ATRX: variants seen among roughly 807,000 people sequenced by gnomAD.
ATRX encodes the protein chromatin remodeler ATRX.
ATRX carries 12 observed loss-of-function variants against 172.6 expected under a neutral mutation model. The ratio of observed to expected loss-of-function variants is 0.07; its 90% CI spans 0.04 to 0.11. The LOEUF is 0.11. Ranked by LOEUF, ATRX falls within the 10% of genes least tolerant of loss-of-function variation. ATRX has a pLI of 1.00. For missense variants in ATRX, 1,368 were observed against 1,767.4 expected, an observed-to-expected ratio of 0.77 and a Z score of 4.05; for synonymous variants, 674 against 594.7, an observed-to-expected ratio of 1.13 and a Z score of -1.94.
At chrX:77,522,531 T>A in intron 31 of ATRX, 143 bp from the exon 32 acceptor site, 5 of 692,949 alleles carry the variant, frequency 7.2e-6, no homozygotes, top group Non-Finnish European at 1.1e-5. Context: ...AACACCCTTT[T>A]CACCCGAAAC....
intron 12 of ATRX, among the ~76,000 whole-genome samples, chrX:77,661,602 C>A (rs1054298009): frequency 7.2e-5 from 8 of 111,068 alleles, no homozygotes; most frequent in Admixed American, 9.6e-5. Flanking sequence ...TGGGTACTAA[C>A]AACAGTCTTC....
intron 15 of ATRX, among the ~76,000 whole-genome samples, chrX:77,642,181 T>G (rs2068689500): frequency 9.0e-6 from 1 of 110,837 alleles, no homozygotes; most frequent in African/African-American, 3.3e-5. Flanking sequence ...GGCAACAGAG[T>G]AAGACCCTGT....
At chrX:77,724,860 A>G (rs1569542983) in intron 1 of ATRX, among the ~76,000 whole-genome samples, 2 of 111,930 alleles carry the variant, frequency 1.8e-5, no homozygotes, top group African/African-American at 6.5e-5. Context: ...CATATCATAG[A>G]GATGATCCCT....
intron 1 of ATRX, among the ~76,000 whole-genome samples, chrX:77,779,611 T>A (rs782666447): frequency 3.6e-5 from 4 of 111,927 alleles, no homozygotes; most frequent in Non-Finnish European, 5.6e-5. Flanking sequence ...TTCTAATTGC[T>A]CATTTACTTA....
At chrX:77,523,104 AC>A (rs1343808719) in intron 31 of ATRX, 147 bp downstream of exon 31, 1 of 772,342 alleles carries the variant, frequency 1.3e-6, no homozygotes, top group Non-Finnish European at 1.9e-6. Flanking sequence ...GCTGAAACCA[AC>A]CCATAAAGAG....
At chrX:77,680,913 A>C (rs1382533052) in intron 9 of ATRX, among the ~76,000 whole-genome samples, 1 of 111,700 alleles carries the variant, frequency 9.0e-6, no homozygotes, top group Non-Finnish European at 1.9e-5. Flanking sequence ...TAATGTTCCT[A>C]GTACTCTACC....
At chrX:77,641,584 G>GAA (rs1218786048) in intron 15 of ATRX, among the ~76,000 whole-genome samples, 2 of 32,750 alleles carry the variant, frequency 6.1e-5, no homozygotes, top group African/African-American at 2.0e-4. Context: ...CTCCATCTCA[G>GAA]AAAAAAAAAA....
At chrX:77,542,925 C>T (rs1441404750) in intron 30 of ATRX, among the ~76,000 whole-genome samples, 1 of 111,669 alleles carries the variant, frequency 9.0e-6, no homozygotes, top group Non-Finnish European at 1.9e-5. Context: ...GTCTAAAAAA[C>T]CAAAAGCAAT....
intron 22 of ATRX, among the ~76,000 whole-genome samples, chrX:77,614,695 T>C (rs1383550619): frequency 8.9e-6 from 1 of 111,840 alleles, no homozygotes; most frequent in Non-Finnish European, 1.9e-5. Context: ...TCCATCACCT[T>C]GAGTATTTAT....
intron 10 of ATRX, among the ~76,000 whole-genome samples, chrX:77,671,170 ATATATATAT>A (rs2070580772): frequency 2.6e-4 from 13 of 50,521 alleles, no homozygotes; most frequent in Non-Finnish European, 2.1e-4. Flanking sequence ...AAAAAAAAAT[ATATATATAT>A]ATATATATAT....
intron 5 of ATRX, 99 bp downstream of exon 5, chrX:77,696,478 G>A (rs782258211): frequency 2.4e-4 from 220 of 918,403 alleles, no homozygotes; most frequent in Non-Finnish European, 1.8e-4. Flanking sequence ...ATGTTTGGTC[G>A]TTTGTACATA....
At chrX:77,624,483 C>G (rs1283316480) in intron 19 of ATRX, among the ~76,000 whole-genome samples, 1 of 111,970 alleles carries the variant, frequency 8.9e-6, no homozygotes, top group Non-Finnish European at 1.9e-5. Flanking sequence ...CCTAAGGACT[C>G]CTCCACAAAG....
At chrX:77,589,760 GT>G in intron 27 of ATRX, 73 bp downstream of exon 27, 2 of 959,200 alleles carry the variant, frequency 2.1e-6, no homozygotes, top group Non-Finnish European at 2.9e-6. Flanking sequence ...TGTTTCTTTT[GT>G]TGCTAAAATG....
chrX:77,669,696 ATTTTT>A (rs200551856), intron 10 of ATRX, among the ~76,000 whole-genome samples: 1 of 109,014 alleles, frequency 9.2e-6, no homozygotes, highest in African/African-American at 3.3e-5. Flanking sequence ...TCAAGCTTTA[ATTTTT>A]TTTTTAATTT....
At chrX:77,558,485 C>G (rs2064884669) in intron 29 of ATRX, among the ~76,000 whole-genome samples, 184 bp downstream of exon 29, 1 of 111,630 alleles carries the variant, frequency 9.0e-6, no homozygotes, top group Admixed American at 9.6e-5. Context: ...GATGACATCA[C>G]AGAAATGGAT....
At chrX:77,603,395 C>T (rs185527828) in intron 22 of ATRX, among the ~76,000 whole-genome samples, 29 of 108,532 alleles carry the variant, frequency 2.7e-4, no homozygotes, top group East Asian at 1.4e-3. Flanking sequence ...GATGGAGTTT[C>T]GCTCTTGTTG....
At position 77,785,965 on chromosome X, in the gene ATRX, A is replaced by C; in HGVS notation, c.20+17T>G. ...GGCCCAGACCGCTGGGGCCCATGAG[A>C]CGGGGTTGCGTTTTACCTCATGGGC... is the stretch of plus-strand genomic sequence containing the variant. On this transcript the variant is annotated intron_variant, in intron 1 of 34. Transcript: ENST00000373344. 8.4e-7 allele frequency: 1 copy of C among 1,186,774 alleles called. No individual in the cohort carries two copies. Among genetic ancestry groups the C allele is most frequent in the East Asian group, 3.1e-5 (1 of 32,441 alleles).
intron 1 of ATRX, among the ~76,000 whole-genome samples, chrX:77,752,112 A>G (rs1557187892): frequency 1.8e-5 from 2 of 111,839 alleles, no homozygotes; most frequent in African/African-American, 6.5e-5. Flanking sequence ...CTTCCCATCC[A>G]TGAGCATGGA....
intron 1 of ATRX, among the ~76,000 whole-genome samples, chrX:77,778,876 T>C (rs1045602509): frequency 3.6e-5 from 4 of 111,173 alleles, no homozygotes; most frequent in African/African-American, 1.3e-4. Context: ...TCCCACAGTC[T>C]CCTTTGTCAA....
Sources: gnomAD v4.1 joint callset for allele counts (sites outside exome capture counted in the v4.1 genomes callset) on GRCh38, gnomAD v4.1.1 for gene constraint, MANE v1.5 for transcripts, NCBI Gene and HGNC (gene_info 2026-07-23, HGNC 2026-07-21) for gene names.